Variants in RASSF2 observed in about 807,000 individuals in gnomAD.
RASSF2 encodes the protein ras association domain-containing protein 2.
RASSF2 carries 34 observed loss-of-function variants against 46.3 expected under a neutral mutation model. That is an observed-to-expected ratio of 0.73 (90% CI 0.56 to 0.98). RASSF2 has a LOEUF of 0.98. Ranked by LOEUF, RASSF2 falls within the 50% of genes least tolerant of loss-of-function variation. RASSF2 has a pLI of 0.00. For missense variants in RASSF2, 364 were observed against 431.2 expected (o/e 0.84, Z 1.38); for synonymous variants, 158 against 162.5 (o/e 0.97, Z 0.21).
chr20:4,814,626 G>T (rs1928131982), intron 2 of RASSF2, among the ~76,000 whole-genome samples: 1 of 152,116 alleles, frequency 6.6e-6, no homozygotes, highest in African/African-American at 2.4e-5. Flanking sequence ...GGAAGTGCCG[G>T]GTGTGTCCAG....
At chr20:4,823,267 G>T (rs1928843075) in intron 1 of RASSF2, among the ~76,000 whole-genome samples, 1 of 152,096 alleles carries the variant, frequency 6.6e-6, no homozygotes, top group Admixed American at 6.5e-5. Flanking sequence ...GGCATCCCGC[G>T]CCAGTGCCTC....
At chr20:4,787,857 C>A in intron 9 of RASSF2, 103 bp from the exon 10 acceptor site, 1 of 1,395,810 alleles carries the variant, frequency 7.2e-7, no homozygotes, top group Non-Finnish European at 1.0e-6. Context: ...CCGCCATATA[C>A]GTCAGGAGAC....
chr20:4,789,674 A>T lies in RASSF2; in HGVS notation c.561T>A (p.Tyr187Ter), dbSNP rs758293223. ...TGATGCGGACGTTGGTGACAGAGCC[A>T]TAGGCTGGTGTGAACACGGATGTCT... is the stretch of plus-strand genomic sequence containing the variant. ...NHKTSVFTPA[Y>*]GSVTNVRINS... Residue 187 changes from tyrosine to a stop codon, truncating the protein, a stop_gained, in exon 8 of 12, where the codon TAT becomes TAA. Transcript: ENST00000379400. LOFTEE classifies it high-confidence loss of function. 1.9e-6 allele frequency: 3 copies of T among 1,614,106 alleles called. No homozygotes were observed. Among genetic ancestry groups the T allele is most frequent in the Non-Finnish European group, 2.5e-6 (3 of 1,180,012 alleles).
Position 4,789,602 on chromosome 20 carries a change from T to G in RASSF2, c.633A>C (p.Lys211Asn). 1 of 1,614,038 alleles carries G rather than the reference T, an allele frequency of 6.2e-7. No individual in the cohort carries two copies. The highest frequency in any genetic ancestry group is 1.1e-5 in the South Asian group (1 of 91,080). Residue 211 changes from lysine to asparagine, a missense_variant, in exon 8 of 12, where the codon AAA becomes AAC. Lys to Asn is a moderately conservative substitution (Grantham distance 94). Transcript: ENST00000379400. ...CTCAGCAAAGGGAACTTGCCTTAAATTTGTTGAGCAGCAGCTTCAGGACCT... is the reference window on the plus strand; with the variant it reads ...CTCAGCAAAGGGAACTTGCCTTAAAGTTGTTGAGCAGCAGCTTCAGGACCT... ...TPQVLKLLLNKFKIENSAEEF... is the reference protein window; with the variant it reads ...TPQVLKLLLNNFKIENSAEEF...
chr20:4,796,575 C>T (rs530349667), intron 4 of RASSF2, among the ~76,000 whole-genome samples: 2 of 152,324 alleles, frequency 1.3e-5, no homozygotes, highest in African/African-American at 4.8e-5. Flanking sequence ...AATAAACTAA[C>T]GGGCTAAATG....
intron 5 of RASSF2, chr20:4,792,863 A>G: frequency 1.4e-6 from 1 of 739,934 alleles, no homozygotes; most frequent in South Asian, 2.0e-5. Flanking sequence ...CCGGAGGGAG[A>G]AGATGTTCTT....
intron 5 of RASSF2, among the ~76,000 whole-genome samples, 154 bp from the exon 6 acceptor site, chr20:4,792,781 G>A (rs1325608482): frequency 3.9e-5 from 6 of 152,196 alleles, no homozygotes; most frequent in African/African-American, 1.4e-4. Flanking sequence ...GGGTGCAGAT[G>A]GGCTGCGCGG....
At chr20:4,809,911 C>T (rs980472391) in intron 2 of RASSF2, among the ~76,000 whole-genome samples, 3 of 152,146 alleles carry the variant, frequency 2.0e-5, no homozygotes, top group Non-Finnish European at 2.9e-5. Context: ...CGCTGCATGT[C>T]AATCATTGGC....
At position 4,813,473 on chromosome 20, in the gene RASSF2, CCA is replaced by C. The variant is rs200170626; in HGVS notation, c.-33+8854_-33+8855del. On this transcript the variant is annotated intron_variant, in intron 2 of 11. Coordinates refer to ENST00000379400, the MANE Select transcript of RASSF2 (RefSeq NM_014737.3). ...GGAAAGGCCTGCCTCCAGCTCCACC[CCA>C]GTGGGAGGGTGGCCAGGTGAGTGAC... 6.5e-3 allele frequency among the ~76,000 whole-genome samples: 983 copies of C among 152,340 alleles called. 8 individuals carry two copies. The highest frequency in any genetic ancestry group is 7.2e-3 in the South Asian group (35 of 4,828).
intron 2 of RASSF2, among the ~76,000 whole-genome samples, chr20:4,813,458 G>A (rs2122657242): frequency 6.6e-6 from 1 of 152,304 alleles, no homozygotes; most frequent in Middle Eastern, 3.4e-3. Flanking sequence ...GGAAAGGCCT[G>A]CCTCCAGCTC....
intron 2 of RASSF2, among the ~76,000 whole-genome samples, chr20:4,804,546 C>T (rs1479863236): frequency 1.3e-5 from 2 of 151,992 alleles, no homozygotes; most frequent in African/African-American, 4.8e-5. Flanking sequence ...ACCATGTTGG[C>T]CAGGCTGGTC....
chr20:4,788,145 A>G (rs1925531733), intron 9 of RASSF2, 72 bp downstream of exon 9: 1 of 1,340,972 alleles, frequency 7.5e-7, no homozygotes, highest in Admixed American at 1.8e-5. Flanking sequence ...CAAAGGAGGC[A>G]GAGGTATTTT....
chr20:4,786,120 G>A lies in RASSF2; in HGVS notation c.911+111C>T, dbSNP rs117439505. 1.4e-3 allele frequency: 1,253 copies of A among 874,388 alleles called. 22 individuals are homozygous for A. The East Asian group carries it at 0.029, about 20-fold the overall frequency. The allele number at this position is 874,388 out of a possible 1,614,324, so 54.2% of individuals were successfully genotyped here. On this transcript the variant is annotated intron_variant, in intron 11 of 11. Transcript: ENST00000379400. ...AATGGGCAGCCCTCCAAAGAAAGCC[G>A]AGACTCAGGCCCATGCAGCAGCTCA...
chr20:4,796,218 A>C (rs1022434652), intron 4 of RASSF2, among the ~76,000 whole-genome samples: 7 of 152,240 alleles, frequency 4.6e-5, no homozygotes, highest in African/African-American at 7.2e-5. Context: ...CATAGGTATA[A>C]ATTATAAAAA....
intron 2 of RASSF2, among the ~76,000 whole-genome samples, chr20:4,814,725 A>G (rs1176362852): frequency 6.6e-6 from 1 of 152,158 alleles, no homozygotes. Context: ...AACGCATCCA[A>G]CAACGTGTGC....
rs1330209994 is a variant in RASSF2, at chr20:4,780,345, T to C, written c.*3928A>G. ...GAAGACTCCAAAGGTAAACTGAGGG[T>C]TTCCCACCACAGCTTGTGCATCTTG... is the stretch of plus-strand genomic sequence containing the variant. On this transcript the variant is annotated 3_prime_UTR_variant, in exon 12 of 12. Transcript: ENST00000379400. 2.6e-5 allele frequency: 4 copies of C among 151,950 alleles called. No homozygotes were observed. The highest frequency in any genetic ancestry group is 6.6e-5 in the Admixed American group (1 of 15,248). 9.4% of individuals were successfully genotyped at this position (151,950 alleles called of 1,614,324 possible).
rs1025771275 is a variant in RASSF2 at position 4,822,338 on chromosome 20, AG to A, written c.-43del. The A allele has an allele frequency of 2.0e-4, 30 of 152,370 alleles. No homozygotes were observed. The highest frequency in any genetic ancestry group is 1.5e-3 in the Admixed American group (23 of 15,310). 9.4% of individuals were successfully genotyped at this position (152,370 alleles called of 1,614,324 possible). A position where few individuals can be genotyped will look rare whatever the true frequency, so the allele number is the denominator to read the frequency against. On this transcript the variant is annotated 5_prime_UTR_variant, in exon 2 of 12. The change abolishes the stop of an existing upstream ORF in the 5' untranslated region. Transcript: ENST00000379400. Reference sequence around the variant, plus strand: ...TTTACAAGGTACTTACTATATCCCCAGGCTGCCGTAGACACAGCCTTTGCTC... The same window carrying A: ...TTTACAAGGTACTTACTATATCCCCAGCTGCCGTAGACACAGCCTTTGCTC...
At chr20:4,786,750 C>T (rs939866761) in intron 10 of RASSF2, among the ~76,000 whole-genome samples, 5 of 152,118 alleles carry the variant, frequency 3.3e-5, no homozygotes, top group African/African-American at 1.2e-4. Context: ...AATATGAACT[C>T]GCTTTGGAGA....
intron 2 of RASSF2, among the ~76,000 whole-genome samples, chr20:4,803,083 G>T (rs1354881427): frequency 1.3e-5 from 2 of 151,752 alleles, no homozygotes; most frequent in Admixed American, 1.3e-4. Context: ...CTAGTTTTTT[G>T]CATTTTTAGT....
Sources: gnomAD v4.1 joint callset for allele counts (sites outside exome capture counted in the v4.1 genomes callset) on GRCh38, gnomAD v4.1.1 for gene constraint, MANE v1.5 for transcripts, NCBI Gene and HGNC (gene_info 2026-07-23, HGNC 2026-07-21) for gene names.